Variants in ROBO2 observed in about 807,000 individuals in gnomAD.
ROBO2 encodes the protein roundabout guidance receptor 2.
Under a neutral mutation model 160.8 loss-of-function variants are expected in ROBO2, and 53 were observed. The ratio of observed to expected loss-of-function variants is 0.33; its 90% CI spans 0.26 to 0.41. The LOEUF (loss-of-function observed/expected upper bound fraction) is 0.41. Ranked by LOEUF, ROBO2 falls within the 10% of genes least tolerant of loss-of-function variation. The pLI is 1.00. For missense variants in ROBO2, 1,577 were observed against 1,722.4 expected, an observed-to-expected ratio of 0.92 and a Z score of 1.49; for synonymous variants, 664 against 611.7, an observed-to-expected ratio of 1.09 and a Z score of -1.26.
intron 2 of ROBO2, among the ~76,000 whole-genome samples, chr3:77,112,196 A>G (rs2073693404): frequency 1.5e-5 from 1 of 68,342 alleles, no homozygotes; most frequent in South Asian, 3.7e-4. Context: ...CTCGTCTCAA[A>G]AAAAAAAAAA....
intron 2 of ROBO2, among the ~76,000 whole-genome samples, chr3:76,524,987 GA>G (rs1235865027): frequency 6.6e-6 from 1 of 150,818 alleles, no homozygotes; most frequent in East Asian, 2.0e-4. Flanking sequence ...AGAATTCAAA[GA>G]AAAAAATTAC....
intron 2 of ROBO2, among the ~76,000 whole-genome samples, chr3:76,337,550 A>T (rs2108117261): frequency 6.6e-6 from 1 of 152,254 alleles, no homozygotes; most frequent in Admixed American, 6.5e-5. Flanking sequence ...TTTCCCCAGA[A>T]CTAGGAAAAG....
intron 2 of ROBO2, among the ~76,000 whole-genome samples, chr3:77,329,357 C>T (rs2065760377): frequency 6.6e-6 from 1 of 152,176 alleles, no homozygotes; most frequent in Non-Finnish European, 1.5e-5. Flanking sequence ...TTCTTTTATA[C>T]TCCTTCAGAA....
At chr3:76,163,454 G>T (rs1475075349) in intron 2 of ROBO2, among the ~76,000 whole-genome samples, 1 of 149,784 alleles carries the variant, frequency 6.7e-6, no homozygotes, top group African/African-American at 2.4e-5. Flanking sequence ...ATGGATATTT[G>T]CATATGCAAT....
intron 23 of ROBO2, chr3:77,629,251 T>C (rs1304056519): frequency 6.6e-6 from 1 of 152,178 alleles, no homozygotes; most frequent in Non-Finnish European, 1.5e-5. Context: ...GATTCTCTGC[T>C]AGGAGGTCTC....
chr3:77,520,602 C>T (rs777677196), intron 5 of ROBO2, among the ~76,000 whole-genome samples: 1 of 151,086 alleles, frequency 6.6e-6, no homozygotes, highest in Non-Finnish European at 1.5e-5. Context: ...TATCTCCCCT[C>T]TTGTAGCTCT....
intron 21 of ROBO2, among the ~76,000 whole-genome samples, chr3:77,612,716 AT>A (rs1331874775): frequency 3.9e-5 from 6 of 152,094 alleles, no homozygotes; most frequent in Non-Finnish European, 5.9e-5. Flanking sequence ...GGAGGCCAAG[AT>A]GGGCAGATCA....
At chr3:76,603,351 A>AAAAAAT (rs1553826368) in intron 2 of ROBO2, among the ~76,000 whole-genome samples, 4 of 26,406 alleles carry the variant, frequency 1.5e-4, no homozygotes, top group African/African-American at 2.4e-4. Flanking sequence ...AAAAAAAAAA[A>AAAAAAT]ATATATATAT....
intron 2 of ROBO2, among the ~76,000 whole-genome samples, chr3:77,367,646 A>T (rs1340033835): frequency 2.0e-5 from 3 of 152,222 alleles, no homozygotes; most frequent in Admixed American, 6.5e-5. Context: ...AGCAGGCAAC[A>T]GTAATTTTCC....
chr3:76,144,729 G>A (rs1172640349), intron 2 of ROBO2, among the ~76,000 whole-genome samples: 1 of 152,082 alleles, frequency 6.6e-6, no homozygotes, highest in East Asian at 1.9e-4. Flanking sequence ...TCATTGTCAG[G>A]GTTTTAACTT....
intron 24 of ROBO2, among the ~76,000 whole-genome samples, chr3:77,641,394 AG>A (rs2095348690): frequency 1.3e-5 from 2 of 152,182 alleles, no homozygotes; most frequent in African/African-American, 4.8e-5. Context: ...GAGAGTATAA[AG>A]GTTCTTGAAG....
intron 2 of ROBO2, among the ~76,000 whole-genome samples, chr3:77,404,083 C>T (rs890770248): frequency 1.3e-5 from 2 of 152,094 alleles, no homozygotes; most frequent in African/African-American, 2.4e-5. Context: ...TTCCTCATAA[C>T]ACTGAGGCTG....
intron 2 of ROBO2, among the ~76,000 whole-genome samples, chr3:77,198,965 G>A (rs113629132): frequency 2.0e-5 from 3 of 152,052 alleles, no homozygotes; most frequent in Non-Finnish European, 4.4e-5. Flanking sequence ...GTAAAAATAT[G>A]CTCTATGTTA....
rs79289228 is a variant in ROBO2, at chr3:76,498,156, T to C, written c.109+560554T>C. ...GGCATATATTTTTTCAAAAAGTGTATATGTACTCCAAACATTATTTCTCAG... is the reference window on the plus strand; with the variant it reads ...GGCATATATTTTTTCAAAAAGTGTACATGTACTCCAAACATTATTTCTCAG... On this transcript the variant is annotated intron_variant, in intron 2 of 26. Coordinates refer to the ROBO2 transcript ENST00000487694. 1.3e-4 allele frequency among the ~76,000 whole-genome samples: 20 copies of C among 152,338 alleles called. No homozygotes were observed. In the East Asian group the frequency reaches 3.5e-3, roughly 26 times the overall value.
chr3:76,536,062 T>C (rs761250394), intron 2 of ROBO2, among the ~76,000 whole-genome samples: 2 of 152,110 alleles, frequency 1.3e-5, no homozygotes, highest in Non-Finnish European at 2.9e-5. Context: ...GGAGGAATCA[T>C]GGGCTGCGGG....
intron 1 of ROBO2, among the ~76,000 whole-genome samples, chr3:77,095,732 T>G (rs1463240323): frequency 6.6e-6 from 1 of 152,212 alleles, no homozygotes; most frequent in African/African-American, 2.4e-5. Context: ...TGCAACCTAC[T>G]TCTATTCAGC....
intron 2 of ROBO2, among the ~76,000 whole-genome samples, chr3:76,297,481 A>C (rs185824614): frequency 1.7e-4 from 26 of 152,248 alleles, no homozygotes; most frequent in African/African-American, 6.3e-4. Flanking sequence ...TCATTGTATA[A>C]TTATGTTTTA....
chr3:76,232,701 C>A (rs1170641198), intron 2 of ROBO2, among the ~76,000 whole-genome samples: 5 of 152,064 alleles, frequency 3.3e-5, no homozygotes, highest in African/African-American at 1.2e-4. Flanking sequence ...GCTATTTAAC[C>A]CTTCTTATAC....
At chr3:76,970,507 G>T (rs919807205) in intron 2 of ROBO2, among the ~76,000 whole-genome samples, 2 of 152,106 alleles carry the variant, frequency 1.3e-5, no homozygotes, top group Non-Finnish European at 2.9e-5. Flanking sequence ...AGCCTTGAGG[G>T]CTGGCTAGGT....
Sources: allele counts gnomAD v4.1 joint callset (sites outside exome capture counted in the v4.1 genomes callset), GRCh38; gene constraint gnomAD v4.1.1; transcripts MANE v1.5; gene names NCBI Gene and HGNC (gene_info 2026-07-23, HGNC 2026-07-21).